MCM5: variants seen among roughly 807,000 people sequenced by gnomAD.
MCM5 encodes DNA replication licensing factor MCM5.
In MCM5, 46 loss-of-function variants were observed where a neutral mutation model predicts 79.9. The observed-to-expected ratio is 0.58, with a 90% CI of 0.45 to 0.74. The LOEUF (loss-of-function observed/expected upper bound fraction) is 0.74, where lower values mean the gene tolerates loss of function less well. Ranked by LOEUF, MCM5 falls within the 30% of genes least tolerant of loss-of-function variation. The probability of loss-of-function intolerance (pLI) is 0.00; values close to 1 mark genes in which losing one functional copy is unlikely to be tolerated. For synonymous variants in MCM5, 404 were observed against 390.5 expected (o/e 1.03, Z -0.41); for missense variants, 883 against 1,017.0 (o/e 0.87, Z 1.79).
the MCM5 span, among the ~76,000 whole-genome samples, chr22:35,453,339 C>T: frequency 2.0e-5 from 3 of 151,516 alleles, no homozygotes; most frequent in Non-Finnish European, 4.4e-5. Flanking sequence ...ACAGAGACAA[C>T]GGGGCTGAGC....
downstream of MCM5, among the ~76,000 whole-genome samples, chr22:35,427,168 C>T (rs5999827): frequency 0.022 from 3,327 of 152,278 alleles, 119 homozygotes; most frequent in African/African-American, 0.07. Flanking sequence ...AGCTTCCAGC[C>T]ACCAGATCCA....
At chr22:35,450,821 A>G in the MCM5 span, among the ~76,000 whole-genome samples, 1 of 152,150 alleles carries the variant, frequency 6.6e-6, no homozygotes, top group Non-Finnish European at 1.5e-5. Flanking sequence ...ACCCGGGTCC[A>G]TCTGACTCCA....
intron 2 of MCM5, chr22:35,401,274 G>T: frequency 3.7e-5 from 15 of 410,444 alleles, no homozygotes; most frequent in Middle Eastern, 7.2e-4. Context: ...TCCATGTCAT[G>T]TCTGAGACCT....
rs748104460 is a variant in MCM5 at position 35,400,427 on chromosome 22, C to T, written c.-8-4C>T. 1 of 1,614,022 alleles carries T rather than the reference C, an allele frequency of 6.2e-7. No homozygotes were observed. The highest frequency in any genetic ancestry group is 1.3e-5 in the African/African-American group (1 of 75,058). ...CCTGTTCTGGCCGTTTGTTCCCACC[C>T]CAGGCGCAGTCATGTCGGGATTCGA... On this transcript the variant is annotated splice_polypyrimidine_tract_variant and splice_region_variant and intron_variant, in intron 1 of 16. Transcript: ENST00000216122.
chr22:35,426,748 T>C (rs1451163306), downstream of MCM5, among the ~76,000 whole-genome samples: 2 of 152,134 alleles, frequency 1.3e-5, no homozygotes, highest in African/African-American at 4.8e-5. Flanking sequence ...GCCTGTGGTT[T>C]TCCCTGCCTC....
At chr22:35,442,145 G>A in the MCM5 span, among the ~76,000 whole-genome samples, 2 of 151,968 alleles carry the variant, frequency 1.3e-5, no homozygotes, top group African/African-American at 4.8e-5. Flanking sequence ...TTTCCCGGCT[G>A]TCCTGTCCTT....
rs1267458911 is a variant in MCM5, at chr22:35,412,494, T to C, written c.920-16T>C. On this transcript the variant is annotated splice_polypyrimidine_tract_variant and intron_variant, in intron 7 of 16. Coordinates refer to ENST00000216122, the MANE Select transcript of MCM5 (RefSeq NM_006739.4). ...GCTCCCTTGTACTCACTCATGCGCC[T>C]GCTTTGCCTACCAAGGCCGCAGCTT... The C allele has an allele frequency of 2.0e-6, 3 of 1,524,698 alleles. No individual in the cohort carries two copies. Among genetic ancestry groups the C allele is most frequent in the Non-Finnish European group, 2.6e-6 (3 of 1,133,328 alleles). 94.4% of individuals were successfully genotyped at this position (1,524,698 alleles called of 1,614,324 possible). A position where few individuals can be genotyped will look rare whatever the true frequency, so the allele number is the denominator to read the frequency against.
chr22:35,444,093 A>G, the MCM5 span, among the ~76,000 whole-genome samples: 2 of 152,136 alleles, frequency 1.3e-5, no homozygotes, highest in Admixed American at 6.5e-5. Flanking sequence ...GGCTCAATCC[A>G]TGTTAGCATT....
chr22:35,441,711 A>C, the MCM5 span, among the ~76,000 whole-genome samples: 1 of 152,030 alleles, frequency 6.6e-6, no homozygotes, highest in Non-Finnish European at 1.5e-5. Context: ...CTTATCAGGG[A>C]AGGCTCCCTG....
rs578095478 is a variant in MCM5, at chr22:35,416,795, A to G, written c.1571A>G (p.His524Arg). 1.9e-6 allele frequency: 3 copies of G among 1,614,018 alleles called. No homozygotes were observed. In the East Asian group the frequency reaches 6.7e-5, roughly 36 times the overall value. The change falls in exon 12 of 17, where the codon CAC (histidine) becomes CGC (arginine). Residue 524 changes from histidine to arginine, a missense_variant. His to Arg is a conservative substitution (Grantham distance 29). This residue lies in a region of MCM5 where 426 missense variants were observed against 482.3 expected (regional missense o/e 0.88). Coordinates refer to ENST00000216122, the MANE Select transcript of MCM5 (RefSeq NM_006739.4). ...ATGATCTTCATCGTCAAGGATGAGC[A>G]CAATGAGGAGAGGGATGTGGTACGT... The part of the protein sequence containing the change: ...FDMIFIVKDE[H>R]NEERDVMLAK...
chr22:35,446,931 C>A, the MCM5 span, among the ~76,000 whole-genome samples: 1 of 152,258 alleles, frequency 6.6e-6, no homozygotes, highest in African/African-American at 2.4e-5. Flanking sequence ...GGTCACGAGG[C>A]CCCTGCATGA....
chr22:35,418,352 A>G (rs1264035854), intron 13 of MCM5, among the ~76,000 whole-genome samples: 2 of 152,150 alleles, frequency 1.3e-5, no homozygotes, highest in Non-Finnish European at 2.9e-5. Flanking sequence ...ACAGATTTTC[A>G]ATAATAATAA....
Position 35,423,250 on chromosome 22 carries a change from T to C in MCM5, c.2012T>C (p.Met671Thr). 6.2e-7 allele frequency: 1 copy of C among 1,603,924 alleles called. No individual in the cohort carries two copies. The highest frequency in any genetic ancestry group is 8.5e-7 in the Non-Finnish European group (1 of 1,173,540). The change falls in exon 16 of 17, where the codon ATG becomes ACG. Residue 671 changes from methionine to threonine, a missense_variant. Met to Thr is a moderately conservative substitution (Grantham distance 81). Around this residue, in one of 3 missense-constraint regions of MCM5, gnomAD observed 426 missense variants for 482.3 expected, o/e 0.88. Coordinates refer to ENST00000216122, the MANE Select transcript of MCM5 (RefSeq NM_006739.4). ...EGFTSQEDQE[M>T]LSRIEKQLKR... ...TTCACCAGCCAGGAGGACCAGGAGA[T>C]GCTGAGCCGCATCGAGAAGCAGCTC...
At chr22:35,430,559 G>C in the MCM5 span, among the ~76,000 whole-genome samples, 1 of 149,754 alleles carries the variant, frequency 6.7e-6, no homozygotes, top group Admixed American at 6.7e-5. Flanking sequence ...AGAGTGTGCA[G>C]TGGTGCGACC....
the MCM5 span, among the ~76,000 whole-genome samples, chr22:35,444,667 A>G: frequency 6.6e-6 from 1 of 152,132 alleles, no homozygotes; most frequent in Non-Finnish European, 1.5e-5. Flanking sequence ...CAGGCAGGTA[A>G]TGGCCGTGAT....
At position 35,421,670 on chromosome 22, in the gene MCM5, T is replaced by A; in HGVS notation, c.1975+210T>A. 3 of 669,630 alleles carry A rather than the reference T, an allele frequency of 4.5e-6. No homozygotes were observed. The South Asian group carries it at 4.8e-5, about 11-fold the overall frequency. The allele number at this position is 669,630 out of a possible 1,614,324, so 41.5% of individuals were successfully genotyped here. A position where few individuals can be genotyped will look rare whatever the true frequency, so the allele number is the denominator to read the frequency against. On this transcript the variant is annotated intron_variant, in intron 15 of 16. Coordinates refer to ENST00000216122, the MANE Select transcript of MCM5 (RefSeq NM_006739.4). ...CCAAGATGGGAAGAAGCAGCTTCTC[T>A]CCAGACCCTTGAACACAATCCTCTT...
At chr22:35,406,441 C>G in intron 4 of MCM5, 112 bp from the exon 5 acceptor site, 3 of 970,100 alleles carry the variant, frequency 3.1e-6, no homozygotes, top group Non-Finnish European at 3.1e-6. Context: ...GTGGCCCTCC[C>G]TGCAGCTCTG....
the MCM5 span, among the ~76,000 whole-genome samples, chr22:35,448,502 TTCAC>T: frequency 7.9e-5 from 12 of 152,178 alleles, no homozygotes; most frequent in Admixed American, 6.5e-5. Flanking sequence ...GTATTCGTCA[TTCAC>T]TCACTCAGCA....
intron 15 of MCM5, 90 bp downstream of exon 15, chr22:35,421,550 C>T (rs1334446829): frequency 2.6e-6 from 4 of 1,559,424 alleles, no homozygotes; most frequent in East Asian, 4.5e-5. Context: ...TGGGGGCCTG[C>T]AGTGTGTGTC....
Sources: allele counts gnomAD v4.1 joint callset (sites outside exome capture counted in the v4.1 genomes callset), GRCh38; gene constraint gnomAD v4.1.1; regional missense constraint gnomAD v4.1.1; transcripts MANE v1.5; gene names NCBI Gene and HGNC (gene_info 2026-07-23, HGNC 2026-07-21).